Variants in GSE1 observed in about 807,000 individuals in gnomAD.
The protein encoded by GSE1 is Gse1 coiled-coil protein, also known as genetic suppressor element 1.
GSE1 carries 32 observed loss-of-function variants against 112.6 expected under a neutral mutation model. That is an observed-to-expected ratio of 0.28 (90% confidence interval 0.21 to 0.38). The LOEUF (loss-of-function observed/expected upper bound fraction) is 0.38. Ranked by LOEUF, GSE1 falls within the 10% of genes least tolerant of loss-of-function variation. GSE1 has a pLI of 1.00. For synonymous variants in GSE1, 1,115 were observed against 735.6 expected (o/e 1.52, Z -8.35); for missense variants, 2,348 against 1,699.2 (o/e 1.38, Z -6.71).
intron 1 of GSE1, among the ~76,000 whole-genome samples, chr16:85,255,373 G>C (rs1238522127): frequency 6.6e-6 from 1 of 151,514 alleles, no homozygotes; most frequent in Non-Finnish European, 1.5e-5. Context: ...CCCAGCCTCA[G>C]TTTCCCCATC....
At chr16:85,536,066 A>C (rs951842566) in intron 2 of GSE1, among the ~76,000 whole-genome samples, 5 of 152,246 alleles carry the variant, frequency 3.3e-5, no homozygotes, top group Non-Finnish European at 4.4e-5. Flanking sequence ...CAGACCCAGA[A>C]GGCCACGAGA....
In GSE1 at chr16:85,599,735, C is replaced by G. The variant is rs192618834; in HGVS notation, c.37+43372C>G. Among the ~76,000 whole-genome samples the G allele has an allele frequency of 2.4e-3, 367 of 152,352 alleles. 3 individuals carry two copies. The highest frequency in any genetic ancestry group is 6.3e-3 in the Admixed American group (96 of 15,306). ...TTCCTTTCTCTTTCTCCTTCTCTCC[C>G]TCTTAAGATCCCTGAACCTGGCTGG... On this transcript the variant is annotated intron_variant, in intron 1 of 2. Coordinates refer to the GSE1 transcript ENST00000635906.
At chr16:85,589,190 G>C (rs1567620484) in intron 1 of GSE1, among the ~76,000 whole-genome samples, 1 of 152,166 alleles carries the variant, frequency 6.6e-6, no homozygotes, top group South Asian at 2.1e-4. Context: ...AGGAACGTTG[G>C]TGACCACTCT....
chr16:85,570,752 G>A (rs535566558), intron 1 of GSE1, among the ~76,000 whole-genome samples: 54 of 152,340 alleles, frequency 3.5e-4, no homozygotes, highest in Admixed American at 9.1e-4. Context: ...CTGAGCACCT[G>A]TTGGTGCCAG....
chr16:85,376,941 T>A (rs2047434390), intron 2 of GSE1, among the ~76,000 whole-genome samples: 1 of 152,248 alleles, frequency 6.6e-6, no homozygotes, highest in Non-Finnish European at 1.5e-5. Context: ...GCCCCTCCTG[T>A]TGTGCAGGTT....
At chr16:85,612,503 C>A (rs1457850876), upstream of GSE1, among the ~76,000 whole-genome samples, 2 of 152,130 alleles carry the variant, frequency 1.3e-5, no homozygotes, top group Non-Finnish European at 2.9e-5. Context: ...ACTTAATGAT[C>A]CCCCTGGCGA....
intron 1 of GSE1, chr16:85,283,289 C>T (rs371247746): frequency 6.5e-6 from 1 of 152,830 alleles, no homozygotes; most frequent in Admixed American, 6.5e-5. Context: ...AAATGCTGGA[C>T]TGGCAGAGAC....
At chr16:85,499,820 T>C (rs1438206560) in intron 2 of GSE1, among the ~76,000 whole-genome samples, 4 of 152,248 alleles carry the variant, frequency 2.6e-5, no homozygotes, top group African/African-American at 9.6e-5. Context: ...ATAACATATG[T>C]TGCTGGCACA....
In GSE1 at chr16:85,663,590, C is replaced by T; in HGVS notation, c.2620C>T (p.His874Tyr). The change falls in exon 11 of 16, where the codon CAC becomes TAC. Residue 874 changes from histidine (H) to tyrosine (Y), a missense_variant. By Grantham distance (83) the His-to-Tyr change is moderately conservative. Transcript: ENST00000253458. ...GTTCCTGACCATCTTCAACCTGACC[C>T]ACATCAGCGCTGAGAAGAGGAAAGG... ...KKFLTIFNLT[H>Y]ISAEKRKDKE... 1 of 1,613,834 alleles carries T rather than the reference C, an allele frequency of 6.2e-7. No individual in the cohort carries two copies. Among genetic ancestry groups the T allele is most frequent in the Non-Finnish European group, 8.5e-7 (1 of 1,179,952 alleles).
chr16:85,204,603 T>A (rs1288630157), intron 1 of GSE1, among the ~76,000 whole-genome samples: 1 of 152,256 alleles, frequency 6.6e-6, no homozygotes. Context: ...CCTTTCTGAT[T>A]CTAGCCATCC....
chr16:85,612,926 T>C (rs4628997), upstream of GSE1, among the ~76,000 whole-genome samples: 131,484 of 152,226 alleles, frequency 0.86, 57,029 homozygotes, highest in East Asian at 0.99. Context: ...CTTTAAGAGT[T>C]AAGTGGCCGG....
chr16:85,554,893 C>G (rs1161535659), upstream of GSE1: 3 of 985,260 alleles, frequency 3.0e-6, no homozygotes, highest in Non-Finnish European at 3.6e-6. Context: ...AAACGGCCCC[C>G]GCTTCGGAGC....
chr16:85,408,127 C>G lies in GSE1; in HGVS notation c.2464+50484C>G, dbSNP rs867199368. Among the ~76,000 whole-genome samples, 243 of 35,302 alleles carry G rather than the reference C, an allele frequency of 6.9e-3. 9 individuals carry two copies. Among genetic ancestry groups the G allele is most frequent in the African/African-American group, 0.038 (185 of 4,896 alleles). The allele number at this position is 35,302 out of a possible 152,430, so 23.2% of individuals were successfully genotyped here. ...GATAATCCTCACTGTTACTCTCAGG[C>G]CCCCTGGATAATCCTCACTGTTACA... is the stretch of plus-strand genomic sequence containing the variant. On this transcript the variant is annotated intron_variant, in intron 2 of 2. Transcript: ENST00000637419.
intron 1 of GSE1, among the ~76,000 whole-genome samples, chr16:85,218,834 C>T (rs117579928): frequency 1.3e-5 from 2 of 152,270 alleles, no homozygotes; most frequent in Admixed American, 6.5e-5. Context: ...ACCAAATGAC[C>T]GATTGAATGT....
At chr16:85,615,815 A>T (rs2151584133) in intron 1 of GSE1, among the ~76,000 whole-genome samples, 1 of 152,312 alleles carries the variant, frequency 6.6e-6, no homozygotes, top group African/African-American at 2.4e-5. Flanking sequence ...CAGTTAAGCC[A>T]CAGCCTCTGG....
chr16:85,635,952 C>T (rs555510548), intron 2 of GSE1, among the ~76,000 whole-genome samples: 9 of 152,352 alleles, frequency 5.9e-5, no homozygotes, highest in South Asian at 2.1e-4. Flanking sequence ...CTCACAGGGC[C>T]GTCGCTTCCT....
chr16:85,347,172 G>A (rs983882606), intron 1 of GSE1, among the ~76,000 whole-genome samples: 1 of 152,070 alleles, frequency 6.6e-6, no homozygotes, highest in African/African-American at 2.4e-5. Flanking sequence ...GGAGGCAGGA[G>A]ATGAGCAGGT....
intron 2 of GSE1, among the ~76,000 whole-genome samples, chr16:85,436,633 C>CAG (rs2049252770): frequency 6.6e-6 from 1 of 152,244 alleles, no homozygotes. Context: ...TTTGACCTCC[C>CAG]AGAGAGTCCC....
intron 1 of GSE1, among the ~76,000 whole-genome samples, chr16:85,259,093 TAGGGGCTCAGTGCAAGGG>T (rs1377018956): frequency 3.3e-5 from 5 of 152,034 alleles, no homozygotes; most frequent in Non-Finnish European, 7.4e-5. Flanking sequence ...CCGGGCAGGA[TAGGGGCTCAGTGCAAGGG>T]AGGAGGAGGG....
Sources: gnomAD v4.1 joint callset for allele counts (sites outside exome capture counted in the v4.1 genomes callset) on GRCh38, gnomAD v4.1.1 for gene constraint, MANE v1.5 for transcripts, NCBI Gene and HGNC (gene_info 2026-07-23, HGNC 2026-07-21) for gene names.